ZNF562: variants seen among roughly 807,000 people sequenced by gnomAD.
The protein encoded by ZNF562 is zinc finger protein 562.
A neutral mutation model predicts 17.5 loss-of-function variants in ZNF562; 13 were observed. The ratio of observed to expected loss-of-function variants is 0.74; its 90% confidence interval spans 0.48 to 1.18. ZNF562 has a LOEUF of 1.18. Ranked by LOEUF, ZNF562 falls within the 50% of genes most tolerant of loss-of-function variation. The pLI is 0.00. For missense variants in ZNF562, 481 were observed against 498.5 expected (o/e 0.96, Z 0.33); for synonymous variants, 163 against 165.4 (o/e 0.99, Z 0.11).
chr19:9,660,796 A>G lies in ZNF562; in HGVS notation c.-52T>C, dbSNP rs2043706940. 1.2e-6 allele frequency: 2 copies of G among 1,603,972 alleles called. No individual in the cohort carries two copies. Among genetic ancestry groups the G allele is most frequent in the Admixed American group, 1.7e-5 (1 of 59,338 alleles). On this transcript the variant is annotated 5_prime_UTR_variant, in exon 2 of 6. Coordinates refer to ENST00000453372, the MANE Select transcript of ZNF562 (RefSeq NM_001130031.2). ...CTCAATGCTGTCTTTCTTGATGCCA[A>G]GATCGCCTCAGGGCAGCTTATGAAT... is the stretch of plus-strand genomic sequence containing the variant.
rs1456863927 is a variant in ZNF562, at chr19:9,653,396, A to G, written c.834T>C (p.His278=). 5.6e-6 allele frequency: 9 copies of G among 1,614,064 alleles called. No individual in the cohort carries two copies. Among genetic ancestry groups the G allele is most frequent in the Non-Finnish European group, 7.6e-6 (9 of 1,180,042 alleles). The part of the protein sequence containing the change: ...SFTNFSQLSA[H]AKTHKGEKSF... Reference sequence around the variant, plus strand: ...ACTTCTCTCCTTTATGAGTTTTTGCATGTGCAGAAAGTTGAGAAAAATTAG... The same window carrying G: ...ACTTCTCTCCTTTATGAGTTTTTGCGTGTGCAGAAAGTTGAGAAAAATTAG... The change falls in exon 6 of 6, where the codon CAT becomes CAC. Residue 278 remains histidine (H), a synonymous_variant. Transcript: ENST00000453372.
Position 9,652,854 on chromosome 19 carries a change from C to T in ZNF562, c.*95G>A. ...CTTAGGCATGAGGAAAGAGCAAATG[C>T]TTTCCCAAATTCTTTACATACAAAA... On this transcript the variant is annotated 3_prime_UTR_variant, in exon 6 of 6. Transcript: ENST00000453372. 3 of 1,229,898 alleles carry T rather than the reference C, an allele frequency of 2.4e-6. No homozygotes were observed. Among genetic ancestry groups the T allele is most frequent in the Admixed American group, 2.7e-5 (1 of 37,420 alleles). 76.2% of individuals were successfully genotyped at this position (1,229,898 alleles called of 1,614,324 possible). A position where few individuals can be genotyped will look rare whatever the true frequency, so the allele number is the denominator to read the frequency against.
chr19:9,656,797 G>A (rs1568265437), intron 4 of ZNF562, 144 bp from the exon 5 acceptor site: 1 of 701,800 alleles, frequency 1.4e-6, no homozygotes, highest in Non-Finnish European at 2.4e-6. Flanking sequence ...GGCTGAGGTG[G>A]GTGGATCACG....
intron 5 of ZNF562, among the ~76,000 whole-genome samples, chr19:9,655,298 A>C (rs1451047786): frequency 6.6e-6 from 1 of 151,902 alleles, no homozygotes; most frequent in Non-Finnish European, 1.5e-5. Flanking sequence ...CAAATTGTGC[A>C]GATTTTCATG....
At chr19:9,670,260 A>C (rs911709899) in intron 1 of ZNF562, among the ~76,000 whole-genome samples, 15 of 152,132 alleles carry the variant, frequency 9.9e-5, no homozygotes, top group Admixed American at 1.3e-4. Context: ...CAAAACAAAA[A>C]AAACAGTATG....
rs372020897 is a variant in ZNF562, at chr19:9,671,792, C to T, written c.-131+3223G>A. Among the ~76,000 whole-genome samples the T allele has an allele frequency of 3.7e-4, 56 of 152,328 alleles. 2 individuals are homozygous for T. The South Asian group carries it at 0.011, about 30-fold the overall frequency. On this transcript the variant is annotated intron_variant, in intron 1 of 5. Transcript: ENST00000453372. ...GCCCTCTGGTATTGCAGAGTCAATC[C>T]ATGCCCTCTTGTGCAGATTAACTGT... is the stretch of plus-strand genomic sequence containing the variant.
chr19:9,667,875 A>G (rs1332430021), intron 1 of ZNF562, among the ~76,000 whole-genome samples: 2 of 152,110 alleles, frequency 1.3e-5, no homozygotes, highest in Non-Finnish European at 2.9e-5. Flanking sequence ...GATTACAGGC[A>G]TGAGCCACCA....
intron 1 of ZNF562, among the ~76,000 whole-genome samples, chr19:9,667,083 G>A (rs1238518242): frequency 3.9e-5 from 6 of 152,016 alleles, no homozygotes; most frequent in African/African-American, 4.8e-5. Context: ...AAAACTACAC[G>A]CCAATATCAC....
rs1174805215 is a variant in ZNF562, at chr19:9,650,280, T to C, written c.*2669A>G. 6.6e-6 allele frequency: 1 copy of C among 151,978 alleles called. No homozygotes were observed. Among genetic ancestry groups the C allele is most frequent in the Non-Finnish European group, 1.5e-5 (1 of 68,004 alleles). The allele number at this position is 151,978 out of a possible 1,614,324, so 9.4% of individuals were successfully genotyped here. ...GGGTCATTGTTCAGTCCAAAGTACT[T>C]AATATGATTCTTTTCTCTTTCCACA... is the stretch of plus-strand genomic sequence containing the variant. On this transcript the variant is annotated 3_prime_UTR_variant, in exon 6 of 6. Coordinates refer to ENST00000453372, the MANE Select transcript of ZNF562 (RefSeq NM_001130031.2).
chr19:9,643,103 G>C lies in ZNF562; in HGVS notation c.*9846C>G, dbSNP rs1479726465. Reference sequence around the variant, plus strand: ...ACTGTGGCTCATTCCTGTAATCCCAGCACTTTGGGAGGTTGAATCAGGCTG... The same window carrying C: ...ACTGTGGCTCATTCCTGTAATCCCACCACTTTGGGAGGTTGAATCAGGCTG... On this transcript the variant is annotated 3_prime_UTR_variant, in exon 6 of 6. Coordinates refer to ENST00000453372, the MANE Select transcript of ZNF562 (RefSeq NM_001130031.2). 6.7e-6 allele frequency: 1 copy of C among 150,074 alleles called. No homozygotes were observed. The highest frequency in any genetic ancestry group is 2.5e-5 in the African/African-American group (1 of 40,656). 9.3% of individuals were successfully genotyped at this position (150,074 alleles called of 1,614,324 possible).
rs2043707958 is a variant in ZNF562, at chr19:9,660,833, C to T, written c.-89G>A. 3 of 1,368,604 alleles carry T rather than the reference C, an allele frequency of 2.2e-6. No homozygotes were observed. Among genetic ancestry groups the T allele is most frequent in the Non-Finnish European group, 3.1e-6 (3 of 972,562 alleles). 84.8% of individuals were successfully genotyped at this position (1,368,604 alleles called of 1,614,324 possible). ...GGCAGCTTATGAATCTAGGTGGATA[C>T]AGGCAATCTCCATTCCCCTTTGTAC... On this transcript the variant is annotated 5_prime_UTR_variant, in exon 2 of 6. Transcript: ENST00000453372.
rs2074789164 is a variant in ZNF562 at position 9,643,834 on chromosome 19, T to C, written c.*9115A>G. 6.6e-6 allele frequency: 1 copy of C among 152,126 alleles called. No individual in the cohort carries two copies. The highest frequency in any genetic ancestry group is 1.5e-5 in the Non-Finnish European group (1 of 68,062). 9.4% of individuals were successfully genotyped at this position (152,126 alleles called of 1,614,324 possible). On this transcript the variant is annotated 3_prime_UTR_variant, in exon 6 of 6. Transcript: ENST00000453372. Reference sequence around the variant, plus strand: ...TACTTAGCGCATTTTTTTGTTTGTTTGTTTTTTGAGACAGTCTTACTCTGT... The same window carrying C: ...TACTTAGCGCATTTTTTTGTTTGTTCGTTTTTTGAGACAGTCTTACTCTGT...
rs573115285 is a variant in ZNF562, at chr19:9,649,800, A to G, written c.*3149T>C. On this transcript the variant is annotated 3_prime_UTR_variant, in exon 6 of 6. Transcript: ENST00000453372. ...TCCACTTGCCTTGTGATATTCTATT[A>G]CCTTGTAAAGTACTTGATGTCTGTG... is the stretch of plus-strand genomic sequence containing the variant. 6.6e-6 allele frequency: 1 copy of G among 152,108 alleles called. No homozygotes were observed. The allele number at this position is 152,108 out of a possible 1,614,324, so 9.4% of individuals were successfully genotyped here. A position where few individuals can be genotyped will look rare whatever the true frequency, so the allele number is the denominator to read the frequency against.
intron 1 of ZNF562, among the ~76,000 whole-genome samples, chr19:9,661,879 T>C (rs1007791089): frequency 6.6e-5 from 10 of 152,042 alleles, no homozygotes; most frequent in Non-Finnish European, 1.3e-4. Context: ...ATTCTCCCAC[T>C]TCAGCCCCCA....
chr19:9,659,045 G>C (rs1034685975), intron 3 of ZNF562, among the ~76,000 whole-genome samples: 2 of 152,196 alleles, frequency 1.3e-5, no homozygotes, highest in African/African-American at 4.8e-5. Flanking sequence ...GCAGATACCT[G>C]ATAAATGCTG....
At position 9,648,390 on chromosome 19, in the gene ZNF562, C is replaced by A. The variant is rs1487332191; in HGVS notation, c.*4559G>T. ...CAATCTTGGCTCAATGCAACCTCCA[C>A]CTCCCAGGTTCAAGTGATTCTCCTG... On this transcript the variant is annotated 3_prime_UTR_variant, in exon 6 of 6. Transcript: ENST00000453372. 1.3e-5 allele frequency: 2 copies of A among 152,204 alleles called. No homozygotes were observed. The highest frequency in any genetic ancestry group is 2.9e-5 in the Non-Finnish European group (2 of 68,064). The allele number at this position is 152,204 out of a possible 1,614,324, so 9.4% of individuals were successfully genotyped here.
At position 9,653,482 on chromosome 19, in the gene ZNF562, A is replaced by G. The variant is rs771691301; in HGVS notation, c.748T>C (p.Cys250Arg). Reference protein sequence around the residue: ...AITTSSHLKQCVAVHTGKKSE... With the variant: ...AITTSSHLKQRVAVHTGKKSE... ...TTCTTTCCAGTATGAACTGCTACAC[A>G]CTGCTTTAAGTGTGAGGAAGTTGTG... The change falls in exon 6 of 6, where the codon TGT becomes CGT. Residue 250 changes from cysteine (C) to arginine (R), a missense_variant. Physicochemically the swap from Cys to Arg is radical, Grantham distance 180 (BLOSUM62 -3). Coordinates refer to ENST00000453372, the MANE Select transcript of ZNF562 (RefSeq NM_001130031.2). 1.5e-5 allele frequency: 25 copies of G among 1,614,078 alleles called. No homozygotes were observed. The highest frequency in any genetic ancestry group is 4.2e-6 in the Non-Finnish European group (5 of 1,180,038).
chr19:9,672,777 C>CTTT lies in ZNF562; in HGVS notation c.-131+2235_-131+2237dup, dbSNP rs869261585. Reference sequence around the variant, plus strand: ...AGAATAGTTGAGTATTATTGCCTTTCTTTTTTTTTTTTTTTTTTTTTTAGA... The same window carrying CTTT: ...AGAATAGTTGAGTATTATTGCCTTTCTTTTTTTTTTTTTTTTTTTTTTTTTAGA... On this transcript the variant is annotated intron_variant, in intron 1 of 5. Transcript: ENST00000453372. Among the ~76,000 whole-genome samples, 384 of 112,200 alleles carry CTTT rather than the reference C, an allele frequency of 3.4e-3. 8 individuals carry two copies. The highest frequency in any genetic ancestry group is 0.012 in the African/African-American group (332 of 28,784). The allele number at this position is 112,200 out of a possible 152,430, so 73.6% of individuals were successfully genotyped here. A position where few individuals can be genotyped will look rare whatever the true frequency, so the allele number is the denominator to read the frequency against.
chr19:9,653,504 T>C lies in ZNF562; in HGVS notation c.726A>G (p.Thr242=). ...CACACTGCTTTAAGTGTGAGGAAGT[T>C]GTGATGGCTCTCTCACATTCCTGAA... ...CEFQECERAI[T]TSSHLKQCVA... The change falls in exon 6 of 6, where the codon ACA becomes ACG. Residue 242 remains threonine (T), a synonymous_variant. Coordinates refer to ENST00000453372, the MANE Select transcript of ZNF562 (RefSeq NM_001130031.2). 1.2e-6 allele frequency: 2 copies of C among 1,614,192 alleles called. No individual in the cohort carries two copies. Among genetic ancestry groups the C allele is most frequent in the Non-Finnish European group, 1.7e-6 (2 of 1,180,008 alleles).
Sources: gnomAD v4.1 joint callset for allele counts (sites outside exome capture counted in the v4.1 genomes callset) on GRCh38, gnomAD v4.1.1 for gene constraint, MANE v1.5 for transcripts, NCBI Gene and HGNC (gene_info 2026-07-23, HGNC 2026-07-21) for gene names.